Variants in GCKR observed in about 807,000 individuals in gnomAD.
The protein encoded by GCKR is glucokinase regulator.
A neutral mutation model predicts 82.9 loss-of-function variants in GCKR; 73 were observed. That is an observed-to-expected ratio of 0.88 (90% confidence interval 0.73 to 1.07). The LOEUF is 1.07. Ranked by LOEUF, GCKR falls within the 50% of genes least tolerant of loss-of-function variation. The pLI, the probability that GCKR is intolerant of heterozygous loss-of-function variation, is 0.00. For synonymous variants in GCKR, 294 were observed against 291.8 expected (o/e 1.01, Z -0.08); for missense variants, 784 against 782.1 (o/e 1.00, Z -0.03).
chr2:27,519,146 CTCTT>C (rs759713862), intron 17 of GCKR, among the ~76,000 whole-genome samples: 50 of 152,274 alleles, frequency 3.3e-4, no homozygotes, highest in Non-Finnish European at 3.7e-4. Context: ...TTAGGCAAGA[CTCTT>C]TCAGTTACAA....
chr2:27,506,163 T>G (rs1669735794), intron 10 of GCKR, among the ~76,000 whole-genome samples: 1 of 152,184 alleles, frequency 6.6e-6, no homozygotes, highest in Non-Finnish European at 1.5e-5. Flanking sequence ...TATCCTACTC[T>G]GGACCTGCCT....
At chr2:27,509,001 G>T (rs999997437) in intron 16 of GCKR, among the ~76,000 whole-genome samples, 1 of 151,958 alleles carries the variant, frequency 6.6e-6, no homozygotes. Context: ...AATAATCAGT[G>T]TGTGTGCTCT....
At position 27,507,249 on chromosome 2, in the gene GCKR, C is replaced by T. The variant is rs765340729; in HGVS notation, c.1081C>T (p.Arg361Cys). The T allele has an allele frequency of 1.2e-5, 20 of 1,610,298 alleles. No individual in the cohort carries two copies. The highest frequency in any genetic ancestry group is 4.0e-5 in the African/African-American group (3 of 74,832). ...AAACTTCCCAGATTTCCGAGATGTC[C>T]GTGGCTTTCTCATTGGTGATCACAG... ...HTFGADFRDVRGFLIGDHSDM... is the reference protein window; with the variant it reads ...HTFGADFRDVCGFLIGDHSDM... Residue 361 changes from arginine to cysteine, a missense_variant, in exon 13 of 19, where the codon CGT (arginine) becomes TGT (cysteine). By Grantham distance (180) the Arg-to-Cys change is radical. Coordinates refer to ENST00000264717, the MANE Select transcript of GCKR (RefSeq NM_001486.4).
At chr2:27,518,968 G>A (rs1402367895) in intron 17 of GCKR, 31 bp downstream of exon 17, 13 of 742,970 alleles carry the variant, frequency 1.7e-5, no homozygotes, top group Non-Finnish European at 2.4e-5. Flanking sequence ...GGTTGGGTGG[G>A]ACCTGGCCTC....
At chr2:27,506,657 G>A in intron 11 of GCKR, 78 bp downstream of exon 11, 2 of 1,164,068 alleles carry the variant, frequency 1.7e-6, no homozygotes, top group Non-Finnish European at 2.6e-6. Context: ...TGTGAGACAT[G>A]TTAACACGGT....
At chr2:27,501,687 C>T (rs1274826905) in intron 8 of GCKR, 2 of 469,466 alleles carry the variant, frequency 4.3e-6, no homozygotes, top group South Asian at 1.6e-5. Flanking sequence ...CTCATCATTC[C>T]AGGCACCCCT....
chr2:27,501,579 G>A (rs963773365), intron 8 of GCKR: 9 of 399,728 alleles, frequency 2.3e-5, no homozygotes, highest in East Asian at 6.5e-5. Context: ...CTTTCATATG[G>A]GGGTGAGCCC....
intron 5 of GCKR, 147 bp downstream of exon 5, chr2:27,498,944 A>G: frequency 1.4e-6 from 1 of 730,256 alleles, no homozygotes; most frequent in Non-Finnish European, 2.5e-6. Context: ...CACTTCACAT[A>G]CTTATGTCGC....
In GCKR at chr2:27,510,085, T is replaced by C. The variant is rs569255151; in HGVS notation, c.1422+1834T>C. ...GTGCAGTGGCGCGATCTCCGCTCAC[T>C]GCAAGCTCTGTCTCCCAGGTTCACG... On this transcript the variant is annotated intron_variant, in intron 16 of 18. Transcript: ENST00000264717. Among the ~76,000 whole-genome samples, 26 of 152,118 alleles carry C rather than the reference T, an allele frequency of 1.7e-4. No individual in the cohort carries two copies. In the East Asian group the frequency reaches 4.8e-3, roughly 28 times the overall value.
rs1286865996 is a variant in GCKR at position 27,497,559 on chromosome 2, C to A, written c.217-3C>A. On this transcript the variant is annotated splice_region_variant and splice_polypyrimidine_tract_variant and intron_variant, in intron 2 of 18. Transcript: ENST00000264717. ...GCTTCTCATTCCTGCATATTCCCTA[C>A]AGAGACTCTACAGCGAATCCATTCT... 1.9e-6 allele frequency: 3 copies of A among 1,609,944 alleles called. No individual in the cohort carries two copies. The highest frequency in any genetic ancestry group is 2.6e-6 in the Non-Finnish European group (3 of 1,176,252).
rs767973634 is a variant in GCKR, at chr2:27,497,212, C to T, written c.61-32C>T. ...GCAGGCATGAATGAGGCTTTGGCTT[C>T]CTGCTCCATCCTTGTCCCCTCTTCC... On this transcript the variant is annotated intron_variant, in intron 1 of 18. Coordinates refer to ENST00000264717, the MANE Select transcript of GCKR (RefSeq NM_001486.4). The T allele has an allele frequency of 3.1e-6, 5 of 1,614,014 alleles. No homozygotes were observed. In the South Asian group the frequency reaches 5.5e-5, roughly 18 times the overall value.
chr2:27,498,073 A>C (rs1389834867), intron 3 of GCKR, among the ~76,000 whole-genome samples, 182 bp from the exon 4 acceptor site: 1 of 152,238 alleles, frequency 6.6e-6, no homozygotes, highest in African/African-American at 2.4e-5. Context: ...ATGGGAGTCA[A>C]ACTGGTTTCT....
At chr2:27,519,089 TAAG>T (rs1284982234) in intron 17 of GCKR, 152 bp downstream of exon 17, 11 of 676,484 alleles carry the variant, frequency 1.6e-5, no homozygotes, top group Admixed American at 2.4e-5. Context: ...ATCTTCCCCT[TAAG>T]GAGTGTGTGT....
rs776459408 is a variant in GCKR at position 27,507,980 on chromosome 2, A to G, written c.1244A>G (p.Asn415Ser). 14 of 1,609,104 alleles carry G rather than the reference A, an allele frequency of 8.7e-6. No individual in the cohort carries two copies. The East Asian group carries it at 2.0e-4, about 23-fold the overall frequency. ...TGATGCCCTCCCCTTCTCCTAGACA[A>G]CCTCACGGAGGTGCAGACTATAGTG... ...TVVFIFTLDD[N>S]LTEVQTIVEQ... The change falls in exon 15 of 19, where the codon AAC (asparagine) becomes AGC (serine). Residue 415 changes from asparagine (N) to serine (S), a missense_variant. Transcript: ENST00000264717.
At chr2:27,523,204 C>T in intron 18 of GCKR, 65 bp from the exon 19 acceptor site, 1 of 1,430,294 alleles carries the variant, frequency 7.0e-7, no homozygotes, top group South Asian at 1.2e-5. Context: ...CGACCTTCCT[C>T]CGGGGTTCTT....
At chr2:27,517,418 T>C (rs1199057871) in intron 16 of GCKR, among the ~76,000 whole-genome samples, 1 of 152,138 alleles carries the variant, frequency 6.6e-6, no homozygotes, top group Non-Finnish European at 1.5e-5. Flanking sequence ...AGGCATCTTC[T>C]TCCCAAGGTG....
At chr2:27,514,082 G>A (rs1473599189) in intron 16 of GCKR, among the ~76,000 whole-genome samples, 1 of 151,808 alleles carries the variant, frequency 6.6e-6, no homozygotes, top group Non-Finnish European at 1.5e-5. Context: ...GTGGGTTCTA[G>A]TATTTAGAAA....
chr2:27,498,245 C>T lies in GCKR; in HGVS notation c.286-10C>T, dbSNP rs367985567. 2 of 1,608,356 alleles carry T rather than the reference C, an allele frequency of 1.2e-6. No homozygotes were observed. Among genetic ancestry groups the T allele is most frequent in the Non-Finnish European group, 1.7e-6 (2 of 1,174,894 alleles). On this transcript the variant is annotated splice_polypyrimidine_tract_variant and intron_variant, in intron 3 of 18. Coordinates refer to ENST00000264717, the MANE Select transcript of GCKR (RefSeq NM_001486.4). ...AGGCCCTGGTAATATATGCCTCTTT[C>T]CTTCTTCAGGAGCCAGATGGGGGGC...
Position 27,522,440 on chromosome 2 carries a change from T to C in GCKR, c.1573-20T>C, listed in dbSNP as rs766427824. 4 of 1,613,654 alleles carry C rather than the reference T, an allele frequency of 2.5e-6. No individual in the cohort carries two copies. In the South Asian group the frequency reaches 4.4e-5, roughly 18 times the overall value. On this transcript the variant is annotated intron_variant, in intron 17 of 18. Transcript: ENST00000264717. ...CCTCTGGCCTTTAGCCTGACACTGATCTTACCACTTCTTCCTTAGCGGTTC... is the reference window on the plus strand; with the variant it reads ...CCTCTGGCCTTTAGCCTGACACTGACCTTACCACTTCTTCCTTAGCGGTTC...
Sources: gnomAD v4.1 joint callset for allele counts (sites outside exome capture counted in the v4.1 genomes callset) on GRCh38, gnomAD v4.1.1 for gene constraint, MANE v1.5 for transcripts, NCBI Gene and HGNC (gene_info 2026-07-23, HGNC 2026-07-21) for gene names.